Variants in LRMDA observed in about 807,000 individuals in gnomAD.
LRMDA encodes the protein leucine-rich melanocyte differentiation-associated protein.
A neutral mutation model predicts 29.8 loss-of-function variants in LRMDA; 18 were observed. The observed-to-expected ratio is 0.60, with a 90% confidence interval of 0.42 to 0.90. LRMDA has a LOEUF of 0.90. LRMDA is among the 40% of genes least tolerant of loss of function. LRMDA has a pLI of 0.00. For missense variants in LRMDA, 273 were observed against 273.9 expected (o/e 1.00, Z 0.02); for synonymous variants, 125 against 109.4 (o/e 1.14, Z -0.89).
intron 5 of LRMDA, among the ~76,000 whole-genome samples, chr10:76,205,984 A>C (rs1464464710): frequency 1.3e-5 from 2 of 152,160 alleles, no homozygotes; most frequent in Non-Finnish European, 2.9e-5. Flanking sequence ...CCTCCCAGTG[A>C]CCCATACGCA....
intron 2 of LRMDA, among the ~76,000 whole-genome samples, chr10:75,459,280 T>A (rs961899735): frequency 6.6e-6 from 1 of 152,058 alleles, no homozygotes; most frequent in Non-Finnish European, 1.5e-5. Flanking sequence ...TACAAAAAAT[T>A]TAAAAATTAG....
chr10:75,587,933 G>T (rs192740861), intron 2 of LRMDA, among the ~76,000 whole-genome samples: 16 of 152,254 alleles, frequency 1.1e-4, no homozygotes, highest in Non-Finnish European at 1.8e-4. Flanking sequence ...GAGGCAGTGC[G>T]TGATGGTTGT....
At chr10:75,617,869 G>GCAC (rs1564523519) in intron 2 of LRMDA, among the ~76,000 whole-genome samples, 3 of 152,218 alleles carry the variant, frequency 2.0e-5, no homozygotes, top group Admixed American at 6.5e-5. Context: ...CTAGGGTGGA[G>GCAC]TAAGCAGTAG....
chr10:75,866,044 C>T (rs1469290395), intron 2 of LRMDA, among the ~76,000 whole-genome samples: 3 of 152,234 alleles, frequency 2.0e-5, no homozygotes, highest in South Asian at 2.1e-4. Context: ...TTTAGTCTGG[C>T]GTTAGAAAAG....
At position 75,558,436 on chromosome 10, in the gene LRMDA, C is replaced by T. The variant is rs1840243995; in HGVS notation, c.131+119942C>T. On this transcript the variant is annotated intron_variant, in intron 2 of 6. Coordinates refer to ENST00000611255, the MANE Select transcript of LRMDA (RefSeq NM_001305581.2). ...TGAATCCTATATAAGGGTCTACATT[C>T]AGTCATTGATTCAGTCATTATCAGT... Among the ~76,000 whole-genome samples, 4 of 152,122 alleles carry T rather than the reference C, an allele frequency of 2.6e-5. No individual in the cohort carries two copies. The South Asian group carries it at 8.3e-4, about 32-fold the overall frequency.
At chr10:75,838,017 C>G (rs1467878199) in intron 2 of LRMDA, among the ~76,000 whole-genome samples, 1 of 152,006 alleles carries the variant, frequency 6.6e-6, no homozygotes, top group African/African-American at 2.4e-5. Flanking sequence ...ATTTTCAATT[C>G]AGTAAATGAA....
At chr10:76,517,598 T>A (rs978632628) in intron 6 of LRMDA, among the ~76,000 whole-genome samples, 7 of 152,062 alleles carry the variant, frequency 4.6e-5, no homozygotes, top group Admixed American at 2.6e-4. Context: ...CTAAAGCAGG[T>A]ACATGAGAAA....
At chr10:76,133,203 G>A (rs1241812358) in intron 5 of LRMDA, among the ~76,000 whole-genome samples, 5 of 151,898 alleles carry the variant, frequency 3.3e-5, no homozygotes, top group Admixed American at 6.6e-5. Context: ...CCTCTTCAAC[G>A]CTATGCTAAG....
intron 2 of LRMDA, among the ~76,000 whole-genome samples, chr10:76,001,380 C>A (rs1238324536): frequency 1.3e-5 from 2 of 152,058 alleles, no homozygotes; most frequent in African/African-American, 4.8e-5. Context: ...CATCACACAG[C>A]GTATCAAAGA....
intron 5 of LRMDA, among the ~76,000 whole-genome samples, chr10:76,159,544 T>C (rs1224071812): frequency 6.6e-6 from 1 of 152,178 alleles, no homozygotes; most frequent in African/African-American, 2.4e-5. Flanking sequence ...TTTACTCAAA[T>C]GAGTTGAAGA....
At chr10:76,309,924 A>C (rs1840608472) in intron 5 of LRMDA, among the ~76,000 whole-genome samples, 1 of 152,194 alleles carries the variant, frequency 6.6e-6, no homozygotes, top group Non-Finnish European at 1.5e-5. Flanking sequence ...TGTTACCATT[A>C]AAGAGGCCAT....
chr10:75,575,340 A>T (rs902979977), intron 2 of LRMDA, among the ~76,000 whole-genome samples: 2 of 152,134 alleles, frequency 1.3e-5, no homozygotes, highest in African/African-American at 2.4e-5. Context: ...TAAAGTCTTA[A>T]CTCATTCCAG....
At chr10:75,993,411 G>C (rs1291294001) in intron 2 of LRMDA, among the ~76,000 whole-genome samples, 3 of 152,130 alleles carry the variant, frequency 2.0e-5, no homozygotes, top group Non-Finnish European at 4.4e-5. Flanking sequence ...ACTTGAAGTT[G>C]CTGTTATTGT....
chr10:75,438,022 A>C (rs1844281096), intron 1 of LRMDA, among the ~76,000 whole-genome samples: 1 of 152,160 alleles, frequency 6.6e-6, no homozygotes. Context: ...GAGGAGAGGG[A>C]GAAGAAGGGG....
intron 2 of LRMDA, among the ~76,000 whole-genome samples, chr10:75,443,810 G>T (rs758417749): frequency 2.6e-4 from 39 of 152,164 alleles, no homozygotes; most frequent in Admixed American, 3.3e-4. Flanking sequence ...GAAGCCATCA[G>T]GTCCTGGACT....
At chr10:75,745,667 T>C (rs1369193520) in intron 2 of LRMDA, among the ~76,000 whole-genome samples, 2 of 152,220 alleles carry the variant, frequency 1.3e-5, no homozygotes, top group Non-Finnish European at 2.9e-5. Flanking sequence ...TATTATTGAT[T>C]AAAACTCCAG....
intron 2 of LRMDA, among the ~76,000 whole-genome samples, chr10:75,899,661 A>G (rs1403151411): frequency 6.6e-6 from 1 of 152,070 alleles, no homozygotes; most frequent in Non-Finnish European, 1.5e-5. Context: ...GCCAACTACA[A>G]CCTCTTAGAT....
At chr10:75,846,261 C>T (rs567077714) in intron 2 of LRMDA, among the ~76,000 whole-genome samples, 1 of 150,968 alleles carries the variant, frequency 6.6e-6, no homozygotes, top group Admixed American at 6.6e-5. Context: ...GCAGACCCCA[C>T]CCAGCTTAGT....
chr10:75,946,062 C>T (rs1846470727), intron 2 of LRMDA, among the ~76,000 whole-genome samples: 2 of 152,170 alleles, frequency 1.3e-5, no homozygotes, highest in Non-Finnish European at 2.9e-5. Context: ...CCATGGGAGA[C>T]ATCAGAGAAT....
Sources: gnomAD v4.1 joint callset for allele counts (sites outside exome capture counted in the v4.1 genomes callset) on GRCh38, gnomAD v4.1.1 for gene constraint, MANE v1.5 for transcripts, NCBI Gene and HGNC (gene_info 2026-07-23, HGNC 2026-07-21) for gene names.